Variants in PEAK1 observed in about 807,000 individuals in gnomAD.
PEAK1 encodes the protein pseudopodium enriched atypical kinase 1, also known as inactive tyrosine-protein kinase PEAK1.
PEAK1 carries 54 observed loss-of-function variants against 124.7 expected under a neutral mutation model. The observed-to-expected ratio is 0.43, with a 90% CI of 0.35 to 0.54. PEAK1 has a LOEUF of 0.54. Ranked by LOEUF, PEAK1 falls within the 20% of genes least tolerant of loss-of-function variation. The pLI is 0.01. For missense variants in PEAK1, 2,046 were observed against 2,134.5 expected (o/e 0.96, Z 0.82); for synonymous variants, 719 against 760.0 (o/e 0.95, Z 0.89).
chr15:77,125,189 G>A, intron 9 of PEAK1, among the ~76,000 whole-genome samples: 1 of 152,118 alleles, frequency 6.6e-6, no homozygotes, highest in Non-Finnish European at 1.5e-5. Context: ...TAGATGCTAA[G>A]GATATAAGAA....
intron 2 of PEAK1, among the ~76,000 whole-genome samples, chr15:77,320,650 T>C (rs1427969082): frequency 6.6e-6 from 1 of 152,136 alleles, no homozygotes; most frequent in African/African-American, 2.4e-5. Flanking sequence ...CTTTATTTAT[T>C]TTTTTCCCCC....
intron 2 of PEAK1, chr15:77,347,535 T>C (rs2066939591): frequency 2.0e-6 from 2 of 985,286 alleles, no homozygotes; most frequent in Non-Finnish European, 2.4e-6. Flanking sequence ...ACAGCACTCA[T>C]AAATGAACTC....
chr15:77,160,652 G>A (rs1210694698), intron 7 of PEAK1, among the ~76,000 whole-genome samples: 1 of 152,116 alleles, frequency 6.6e-6, no homozygotes, highest in African/African-American at 2.4e-5. Flanking sequence ...CTCCAGCCTA[G>A]CAACAGAGTG....
At chr15:77,417,336 TGA>T in intron 1 of PEAK1, 1 of 982,506 alleles carries the variant, frequency 1.0e-6, no homozygotes, top group Non-Finnish European at 1.2e-6. Flanking sequence ...ATTCCTGGCC[TGA>T]AGGTTACTAG....
chr15:77,330,687 G>C (rs1279173879), intron 2 of PEAK1, among the ~76,000 whole-genome samples: 3 of 152,092 alleles, frequency 2.0e-5, no homozygotes, highest in Admixed American at 6.6e-5. Flanking sequence ...ACTTTCTTCA[G>C]GTCTTTATTC....
At chr15:77,345,819 A>G (rs1239947487) in intron 2 of PEAK1, 13 of 705,962 alleles carry the variant, frequency 1.8e-5, no homozygotes, top group Non-Finnish European at 2.3e-5. Context: ...ATCTTTACAC[A>G]TTGTATACAG....
chr15:77,364,493 G>A (rs547796929), intron 2 of PEAK1, among the ~76,000 whole-genome samples: 3 of 152,124 alleles, frequency 2.0e-5, no homozygotes, highest in South Asian at 2.1e-4. Flanking sequence ...AAAATAATCT[G>A]TTGACAATGA....
chr15:77,114,884 C>T lies in PEAK1; in HGVS notation c.4513G>A (p.Glu1505Lys). The part of the protein sequence containing the change: ...LLLLQLCSGL[E>K]HLKPYHVTHC... The stretch of plus-strand genomic sequence containing the variant: ...GTGACATGGTAGGGTTTGAGGTGCT[C>T]AAGACCAGAGCATAGCTGTAAGAGC... The change falls in exon 10 of 10, where the codon GAG (glutamate) becomes AAG (lysine). Residue 1505 changes from glutamate (E) to lysine (K), a missense_variant. Glu to Lys is a moderately conservative substitution (Grantham distance 56). Coordinates refer to ENST00000682557, the MANE Select transcript of PEAK1 (RefSeq NM_001385026.1). 6.2e-7 allele frequency: 1 copy of T among 1,613,802 alleles called. No homozygotes were observed. The highest frequency in any genetic ancestry group is 8.5e-7 in the Non-Finnish European group (1 of 1,180,008).
intron 6 of PEAK1, chr15:77,205,161 A>G (rs2058571108): frequency 3.7e-6 from 1 of 272,460 alleles, no homozygotes; most frequent in South Asian, 4.1e-5. Flanking sequence ...TCAGAGGAAT[A>G]TTTTTATCAA....
chr15:77,209,729 G>A (rs1225123850), intron 6 of PEAK1, among the ~76,000 whole-genome samples: 1 of 152,110 alleles, frequency 6.6e-6, no homozygotes, highest in Non-Finnish European at 1.5e-5. Context: ...ACTGGGTGTG[G>A]TAGGCAGAAT....
At chr15:77,349,366 C>G (rs1202615527) in intron 2 of PEAK1, 1 of 983,556 alleles carries the variant, frequency 1.0e-6, no homozygotes. Context: ...TTTAAAGTCA[C>G]ACTACAAAGA....
chr15:77,123,167 AC>A (rs2052070758), intron 9 of PEAK1, among the ~76,000 whole-genome samples: 1 of 152,218 alleles, frequency 6.6e-6, no homozygotes, highest in Admixed American at 6.5e-5. Flanking sequence ...CTTTAAAGAT[AC>A]CTACTATCCC....
At chr15:77,267,962 G>T (rs1003748826) in intron 5 of PEAK1, among the ~76,000 whole-genome samples, 3 of 152,014 alleles carry the variant, frequency 2.0e-5, no homozygotes, top group African/African-American at 4.8e-5. Context: ...AAAAAAAAAT[G>T]ATATAGGATA....
intron 5 of PEAK1, among the ~76,000 whole-genome samples, chr15:77,264,660 G>A (rs1388024649): frequency 3.9e-5 from 6 of 152,030 alleles, no homozygotes; most frequent in South Asian, 2.1e-4. Context: ...AATCAATATC[G>A]TGAAAATGGC....
At chr15:77,258,938 G>C in intron 5 of PEAK1, among the ~76,000 whole-genome samples, 1 of 152,116 alleles carries the variant, frequency 6.6e-6, no homozygotes, top group African/African-American at 2.4e-5. Flanking sequence ...AGCATGAAGG[G>C]TTGTTGAATT....
In PEAK1 at chr15:77,180,923, C is replaced by T; in HGVS notation, c.1004G>A (p.Ser335Asn). Residue 335 changes from serine (S) to asparagine (N), a missense_variant, in exon 7 of 10, where the codon AGC becomes AAC. Transcript: ENST00000682557. ...TGATGTGGAGTCAGATGACACCATG[C>T]TCTGAATGCTTCCTTGTCCATAAGA... Reference protein sequence around the residue: ...VVSYGQGSIQSMVSSDSTSPD... With the variant: ...VVSYGQGSIQNMVSSDSTSPD... 9.3e-6 allele frequency: 15 copies of T among 1,614,080 alleles called. No homozygotes were observed. Among genetic ancestry groups the T allele is most frequent in the Non-Finnish European group, 1.3e-5 (15 of 1,179,994 alleles).
intron 9 of PEAK1, among the ~76,000 whole-genome samples, chr15:77,131,407 C>T (rs1265150083): frequency 6.6e-6 from 1 of 152,142 alleles, no homozygotes; most frequent in African/African-American, 2.4e-5. Flanking sequence ...GCAGGAGAAT[C>T]GCTTGAACCC....
intron 8 of PEAK1, among the ~76,000 whole-genome samples, chr15:77,152,537 C>T (rs78284537): frequency 0.081 from 12,311 of 151,868 alleles, 578 homozygotes; most frequent in Non-Finnish European, 0.1. Context: ...TGAATAGGAG[C>T]GGTGAGAGAG....
At chr15:77,240,924 A>G (rs930884885) in intron 6 of PEAK1, among the ~76,000 whole-genome samples, 2 of 152,208 alleles carry the variant, frequency 1.3e-5, no homozygotes, top group African/African-American at 4.8e-5. Flanking sequence ...CCAGAAGAGG[A>G]AGATATACTT....
Sources: gnomAD v4.1 joint callset for allele counts (sites outside exome capture counted in the v4.1 genomes callset) on GRCh38, gnomAD v4.1.1 for gene constraint, MANE v1.5 for transcripts, NCBI Gene and HGNC (gene_info 2026-07-23, HGNC 2026-07-21) for gene names.